CUX1: variants seen among roughly 807,000 people sequenced by gnomAD.
CUX1 encodes the protein protein CASP.
Under a neutral mutation model 158.8 loss-of-function variants are expected in CUX1, and 31 were observed. The ratio of observed to expected loss-of-function variants is 0.20; its 90% CI spans 0.15 to 0.26. CUX1 has a LOEUF of 0.26. Ranked by LOEUF, CUX1 falls within the 10% of genes least tolerant of loss-of-function variation. The pLI is 1.00. For missense variants in CUX1, 1,589 were observed against 2,014.6 expected, an observed-to-expected ratio of 0.79 and a Z score of 4.04; for synonymous variants, 879 against 862.1, an observed-to-expected ratio of 1.02 and a Z score of -0.34.
chr7:102,178,618 G>A lies in CUX1; in HGVS notation c.978G>A (p.Gln326=). Residue 326 remains glutamine, a synonymous_variant, in exon 11 of 24, where the codon CAG becomes CAA. Coordinates refer to ENST00000292535, the MANE Select transcript of CUX1 (RefSeq NM_181552.4). ...LRENSASQIS[Q]LEQQLSAKNS... is the part of the protein sequence containing the mutation. The stretch of plus-strand genomic sequence containing the variant: ...AGAATTCGGCCAGCCAGATCTCACA[G>A]CTTGAGCAGCAGCTGAGCGCCAAAA... 6.2e-7 allele frequency: 1 copy of A among 1,611,334 alleles called. No individual in the cohort carries two copies. The highest frequency in any genetic ancestry group is 8.5e-7 in the Non-Finnish European group (1 of 1,178,732).
intron 2 of CUX1, among the ~76,000 whole-genome samples, chr7:101,997,196 TC>T (rs1323443523): frequency 6.6e-6 from 1 of 152,158 alleles, no homozygotes; most frequent in African/African-American, 2.4e-5. Flanking sequence ...AATCAGGTTC[TC>T]CCCGTCCCCA....
intron 9 of CUX1, among the ~76,000 whole-genome samples, chr7:102,166,143 G>A (rs781831738): frequency 9.2e-5 from 14 of 152,298 alleles, no homozygotes; most frequent in African/African-American, 2.4e-4. Flanking sequence ...GATGGGCATC[G>A]GCTTGTGTGA....
At chr7:102,197,379 C>A in intron 15 of CUX1, 74 bp downstream of exon 15, 2 of 1,475,502 alleles carry the variant, frequency 1.4e-6, no homozygotes, top group Non-Finnish European at 1.9e-6. Context: ...TGCATGCGTG[C>A]GTGTGTCTGT....
At position 102,193,893 on chromosome 7, in the gene CUX1, A is replaced by G. The variant is rs1335755819; in HGVS notation, c.1125+3A>G. 1.2e-6 allele frequency: 2 copies of G among 1,613,766 alleles called. No individual in the cohort carries two copies. The highest frequency in any genetic ancestry group is 1.7e-6 in the Non-Finnish European group (2 of 1,179,812). On this transcript the variant is annotated splice_donor_region_variant and intron_variant, in intron 13 of 23. Transcript: ENST00000292535. ...CGTCCGAGGGCGCTGGGACACAGGT[A>G]CGTGTCTCACCTCAATGGTCAGCAC...
chr7:101,946,276 C>T (rs969039736), intron 2 of CUX1, among the ~76,000 whole-genome samples: 15 of 151,818 alleles, frequency 9.9e-5, no homozygotes, highest in African/African-American at 3.4e-4. Flanking sequence ...CGATGGCTCA[C>T]GCCTGTAATC....
At chr7:101,900,900 G>T (rs1352398291) in intron 1 of CUX1, among the ~76,000 whole-genome samples, 3 of 152,232 alleles carry the variant, frequency 2.0e-5, no homozygotes, top group African/African-American at 7.2e-5. Context: ...AGGAGCTAAT[G>T]TGTGTAAGTT....
At chr7:102,200,321 C>T (rs1187372525) in intron 17 of CUX1, 149 bp downstream of exon 17, 1 of 616,556 alleles carries the variant, frequency 1.6e-6, no homozygotes, top group Non-Finnish European at 2.7e-6. Flanking sequence ...AGAAGCAGGT[C>T]TGTGTGATCT....
exon 16 of CUX1, chr7:102,274,298 G>T (rs2132810218): frequency 6.2e-7 from 1 of 1,613,520 alleles, no homozygotes; most frequent in South Asian, 1.1e-5. Flanking sequence ...AGAGGCCACT[G>T]CCCTATTCTA....
At chr7:101,820,148 G>A (rs1252357839) in intron 1 of CUX1, among the ~76,000 whole-genome samples, 1 of 152,178 alleles carries the variant, frequency 6.6e-6, no homozygotes, top group Non-Finnish European at 1.5e-5. Flanking sequence ...AACCACTCCT[G>A]AGGCTGTACT....
chr7:102,052,369 A>G (rs1393340031), intron 3 of CUX1, among the ~76,000 whole-genome samples: 2 of 152,164 alleles, frequency 1.3e-5, no homozygotes, highest in Non-Finnish European at 2.9e-5. Context: ...TTTCATATCA[A>G]TGAGATCAAA....
At chr7:101,985,277 G>A (rs565046131) in intron 2 of CUX1, among the ~76,000 whole-genome samples, 6 of 152,166 alleles carry the variant, frequency 3.9e-5, no homozygotes, top group Non-Finnish European at 8.8e-5. Context: ...CGGGAGAGGG[G>A]GGTCGTGCGG....
At chr7:102,007,314 G>C (rs547730598) in intron 2 of CUX1, among the ~76,000 whole-genome samples, 8 of 152,070 alleles carry the variant, frequency 5.3e-5, no homozygotes, top group African/African-American at 1.7e-4. Context: ...TGAGGCCCTC[G>C]GCTCTTCCAC....
intron 1 of CUX1, among the ~76,000 whole-genome samples, chr7:101,841,888 TC>T (rs1795226737): frequency 1.3e-5 from 2 of 152,192 alleles, no homozygotes; most frequent in Non-Finnish European, 2.9e-5. Flanking sequence ...AAATTGGGGT[TC>T]TTTCTTGTTT....
chr7:102,057,147 C>T lies in CUX1; in HGVS notation c.190-13192C>T, dbSNP rs113278613. Among the ~76,000 whole-genome samples, 28 of 150,390 alleles carry T rather than the reference C, an allele frequency of 1.9e-4. 1 individual carries two copies. The highest frequency in any genetic ancestry group is 4.2e-4 in the South Asian group (2 of 4,712). ...CGATCTCCTGACCTCGTGATCCGCC[C>T]GCCGCAGCCTCCCAAAGTGCTGGGA... On this transcript the variant is annotated intron_variant, in intron 3 of 23. Transcript: ENST00000292535.
intron 10 of CUX1, among the ~76,000 whole-genome samples, chr7:102,171,443 T>C (rs147876858): frequency 6.6e-6 from 1 of 151,862 alleles, no homozygotes; most frequent in African/African-American, 2.4e-5. Flanking sequence ...TTTTGGGTTT[T>C]TTTTTTTTTT....
intron 14 of CUX1, among the ~76,000 whole-genome samples, chr7:102,268,436 G>A (rs1056669481): frequency 1.3e-5 from 2 of 151,786 alleles, no homozygotes; most frequent in South Asian, 2.1e-4. Flanking sequence ...CCTCATCTTG[G>A]TGCCTTCACA....
chr7:101,989,852 G>A (rs1814870280), intron 2 of CUX1, among the ~76,000 whole-genome samples: 1 of 152,230 alleles, frequency 6.6e-6, no homozygotes, highest in African/African-American at 2.4e-5. Context: ...TGGGCCTGGA[G>A]CAGGAACCCG....
At chr7:101,920,312 T>C (rs1804763730) in intron 2 of CUX1, among the ~76,000 whole-genome samples, 1 of 151,826 alleles carries the variant, frequency 6.6e-6, no homozygotes, top group South Asian at 2.1e-4. Flanking sequence ...TTAGTAGAGG[T>C]GAGGTTTCAC....
At chr7:102,059,561 G>C (rs957206808) in intron 3 of CUX1, among the ~76,000 whole-genome samples, 4 of 151,636 alleles carry the variant, frequency 2.6e-5, no homozygotes, top group Admixed American at 6.6e-5. Flanking sequence ...GAACCCGGGA[G>C]GTGGAGGTTG....
Sources: allele counts gnomAD v4.1 joint callset (sites outside exome capture counted in the v4.1 genomes callset), GRCh38; gene constraint gnomAD v4.1.1; transcripts MANE v1.5; gene names NCBI Gene and HGNC (gene_info 2026-07-23, HGNC 2026-07-21).